The following SKAP2 variants were observed in gnomAD, a reference collection of about 807,000 sequenced individuals.
SKAP2 encodes src kinase-associated phosphoprotein 2.
In SKAP2, 28 loss-of-function variants were observed where a neutral mutation model predicts 54.9. The ratio of observed to expected loss-of-function variants is 0.51; its 90% CI spans 0.38 to 0.70. The LOEUF is 0.70. Ranked by LOEUF, SKAP2 falls within the 30% of genes least tolerant of loss-of-function variation. The pLI is 0.00. For synonymous variants in SKAP2, 137 were observed against 134.3 expected (o/e 1.02, Z -0.14); for missense variants, 356 against 424.1 (o/e 0.84, Z 1.41).
At chr7:26,856,502 A>C (rs1325149652) in intron 1 of SKAP2, among the ~76,000 whole-genome samples, 1 of 152,248 alleles carries the variant, frequency 6.6e-6, no homozygotes, top group Non-Finnish European at 1.5e-5. Flanking sequence ...GTACCAGTGC[A>C]AATTAGACAC....
At chr7:26,670,279 T>A (rs377579388) in intron 11 of SKAP2, 87 bp from the exon 12 acceptor site, 4 of 690,586 alleles carry the variant, frequency 5.8e-6, no homozygotes, top group Non-Finnish European at 7.9e-6. Flanking sequence ...ATGTTATTTC[T>A]ATTTATAAAG....
chr7:26,841,231 T>C (rs1354769465), intron 4 of SKAP2, among the ~76,000 whole-genome samples: 1 of 151,958 alleles, frequency 6.6e-6, no homozygotes, highest in Non-Finnish European at 1.5e-5. Flanking sequence ...CAAGGTCCAA[T>C]GCGAAAATCA....
intron 4 of SKAP2, among the ~76,000 whole-genome samples, chr7:26,831,782 T>C (rs778718113): frequency 2.6e-5 from 4 of 152,170 alleles, no homozygotes; most frequent in Middle Eastern, 3.4e-3. Flanking sequence ...ACTACTATGT[T>C]TCATTTTTAG....
intron 7 of SKAP2, 141 bp from the exon 8 acceptor site, chr7:26,726,127 G>A: frequency 1.7e-6 from 1 of 577,554 alleles, no homozygotes; most frequent in Non-Finnish European, 3.0e-6. Flanking sequence ...TTCTTATAAT[G>A]TACAGTTAAT....
chr7:26,841,260 T>A (rs757245915), intron 4 of SKAP2, among the ~76,000 whole-genome samples: 2 of 151,990 alleles, frequency 1.3e-5, no homozygotes, highest in Non-Finnish European at 2.9e-5. Context: ...TCTAACCCTT[T>A]ATCAGCTCAC....
chr7:26,798,069 T>C (rs2127983564), intron 4 of SKAP2, among the ~76,000 whole-genome samples: 1 of 151,910 alleles, frequency 6.6e-6, no homozygotes, highest in African/African-American at 2.4e-5. Flanking sequence ...AAGAAAGATA[T>C]CAATATCCAA....
chr7:26,774,274 T>C (rs1270021537), intron 4 of SKAP2, among the ~76,000 whole-genome samples: 2 of 151,812 alleles, frequency 1.3e-5, no homozygotes, highest in Admixed American at 6.6e-5. Context: ...GACTGTGCCA[T>C]TGCACTCCAG....
chr7:26,835,129 T>C (rs1784679445), intron 4 of SKAP2, among the ~76,000 whole-genome samples: 2 of 152,122 alleles, frequency 1.3e-5, no homozygotes, highest in Non-Finnish European at 2.9e-5. Flanking sequence ...GAAAAGGCCT[T>C]CGATAAAATT....
intron 9 of SKAP2, among the ~76,000 whole-genome samples, chr7:26,703,169 C>T (rs1787081091): frequency 6.6e-6 from 1 of 152,136 alleles, no homozygotes; most frequent in South Asian, 2.1e-4. Context: ...TGGGCCACCC[C>T]AGAAGAAGAA....
chr7:26,807,724 C>T (rs1051576069), intron 4 of SKAP2, among the ~76,000 whole-genome samples: 37 of 152,260 alleles, frequency 2.4e-4, no homozygotes, highest in African/African-American at 8.9e-4. Flanking sequence ...TGTGGCAAAA[C>T]TCACTGTTAT....
chr7:26,801,553 G>T (rs1783915861), intron 4 of SKAP2, among the ~76,000 whole-genome samples: 1 of 152,126 alleles, frequency 6.6e-6, no homozygotes, highest in Non-Finnish European at 1.5e-5. Flanking sequence ...AATTGGAAAG[G>T]AGGAAGTCAA....
At position 26,725,494 on chromosome 7, in the gene SKAP2, G is replaced by A. The variant is rs1787684718; in HGVS notation, c.730C>T (p.Leu244=). ...CTTGTTAGTGGATTGCTTATTGGTA[G>A]AGGATGATCAACATCATCATATAAT... The part of the protein sequence containing the change: ...GELYDDVDHP[L]PISNPLTSSQ... The change falls in exon 9 of 13, where the codon CTA becomes TTA. Residue 244 remains leucine, a synonymous_variant. Transcript: ENST00000345317. 6.2e-7 allele frequency: 1 copy of A among 1,612,048 alleles called. No homozygotes were observed. The highest frequency in any genetic ancestry group is 8.5e-7 in the Non-Finnish European group (1 of 1,179,360).
At chr7:26,767,713 T>C (rs1783091858) in intron 4 of SKAP2, among the ~76,000 whole-genome samples, 1 of 152,244 alleles carries the variant, frequency 6.6e-6, no homozygotes, top group South Asian at 2.1e-4. Flanking sequence ...TTAATTTCGT[T>C]ATTTACCCAG....
chr7:26,767,302 A>T (rs558067978), intron 4 of SKAP2, among the ~76,000 whole-genome samples: 93 of 152,172 alleles, frequency 6.1e-4, no homozygotes, highest in African/African-American at 2.2e-3. Context: ...TTTCTGTGGG[A>T]TCAGTGGTGA....
chr7:26,832,779 G>C (rs1439552637), intron 4 of SKAP2, among the ~76,000 whole-genome samples: 1 of 152,186 alleles, frequency 6.6e-6, no homozygotes, highest in Non-Finnish European at 1.5e-5. Flanking sequence ...AGACACAGCA[G>C]AGGACACCTA....
chr7:26,846,797 A>G (rs1012148604), intron 3 of SKAP2, among the ~76,000 whole-genome samples: 2 of 152,166 alleles, frequency 1.3e-5, no homozygotes, highest in Non-Finnish European at 2.9e-5. Context: ...CCTGGCCAAC[A>G]TGGCAAAACC....
intron 1 of SKAP2, among the ~76,000 whole-genome samples, chr7:26,862,853 T>C (rs149117340): frequency 1.3e-4 from 20 of 152,192 alleles, no homozygotes; most frequent in African/African-American, 4.3e-4. Flanking sequence ...AATACAGACA[T>C]AGAATATCCT....
intron 9 of SKAP2, among the ~76,000 whole-genome samples, chr7:26,714,750 G>A (rs1787394699): frequency 6.6e-6 from 1 of 152,204 alleles, no homozygotes; most frequent in South Asian, 2.1e-4. Context: ...GTGTGGCTAT[G>A]TGTACATATG....
At chr7:26,687,918 C>T (rs1466923453) in intron 10 of SKAP2, among the ~76,000 whole-genome samples, 1 of 151,744 alleles carries the variant, frequency 6.6e-6, no homozygotes, top group Non-Finnish European at 1.5e-5. Context: ...ACATCATGAT[C>T]TATATTTTAA....
Sources: gnomAD v4.1 joint callset for allele counts (sites outside exome capture counted in the v4.1 genomes callset) on GRCh38, gnomAD v4.1.1 for gene constraint, MANE v1.5 for transcripts, NCBI Gene and HGNC (gene_info 2026-07-23, HGNC 2026-07-21) for gene names.